KCND2: variants seen among roughly 807,000 people sequenced by gnomAD.
KCND2 encodes the protein potassium voltage-gated channel subfamily D member 2, also known as A-type voltage-gated potassium channel KCND2.
A neutral mutation model predicts 54.4 loss-of-function variants in KCND2; 16 were observed. The observed-to-expected ratio is 0.29, with a 90% confidence interval of 0.20 to 0.45. The LOEUF (loss-of-function observed/expected upper bound fraction) is 0.45, where lower values mean the gene tolerates loss of function less well. KCND2 is among the 20% of genes least tolerant of loss of function. KCND2 has a pLI of 1.00. For missense variants in KCND2, 486 were observed against 824.2 expected (o/e 0.59, Z 5.02); for synonymous variants, 317 against 310.7 (o/e 1.02, Z -0.21).
At chr7:120,675,727 A>G (rs1792052073) in intron 1 of KCND2, among the ~76,000 whole-genome samples, 2 of 152,186 alleles carry the variant, frequency 1.3e-5, no homozygotes, top group Admixed American at 1.3e-4. Context: ...TCAGGTTATT[A>G]TGCTTGCATA....
intron 1 of KCND2, among the ~76,000 whole-genome samples, chr7:120,625,766 T>C (rs990255788): frequency 2.0e-5 from 3 of 152,068 alleles, no homozygotes; most frequent in African/African-American, 7.2e-5. Flanking sequence ...TGAAGAAATC[T>C]TGGATATGTC....
chr7:120,621,362 AC>A (rs1191602559), intron 1 of KCND2, among the ~76,000 whole-genome samples: 2 of 148,066 alleles, frequency 1.4e-5, no homozygotes, highest in African/African-American at 2.5e-5. Flanking sequence ...CTCCCAGTCC[AC>A]TTCATAGCCT....
At chr7:120,629,415 G>A (rs1793202290) in intron 1 of KCND2, among the ~76,000 whole-genome samples, 1 of 152,162 alleles carries the variant, frequency 6.6e-6, no homozygotes, top group Non-Finnish European at 1.5e-5. Context: ...GAACCCGGGA[G>A]GCGGAGTTTG....
intron 1 of KCND2, among the ~76,000 whole-genome samples, chr7:120,642,396 T>TAA (rs35453111): frequency 4.4e-4 from 44 of 99,700 alleles, no homozygotes; most frequent in African/African-American, 7.1e-4. Flanking sequence ...CCTTCTCTAC[T>TAA]AAAAAAAAAA....
Position 120,582,260 on chromosome 7 carries a change from T to A in KCND2, c.1116-150643T>A, listed in dbSNP as rs192621572. 4.9e-4 allele frequency among the ~76,000 whole-genome samples: 74 copies of A among 152,246 alleles called. No individual in the cohort carries two copies. The East Asian group carries it at 0.011, about 23-fold the overall frequency. On this transcript the variant is annotated intron_variant, in intron 1 of 5. Coordinates refer to ENST00000331113, the MANE Select transcript of KCND2 (RefSeq NM_012281.3). ...AAGACCTCTCCATTGTGATTTTTTT[T>A]AAAAATCAAGTAACCCTTCTCCTAC... is the stretch of plus-strand genomic sequence containing the variant.
chr7:120,375,390 G>T (rs575355991), intron 1 of KCND2, among the ~76,000 whole-genome samples: 15 of 151,856 alleles, frequency 9.9e-5, no homozygotes, highest in Admixed American at 7.9e-4. Context: ...AGTCTCCTCT[G>T]TGTAAATACC....
chr7:120,742,433 CTG>C, intron 3 of KCND2, 75 bp from the exon 4 acceptor site: 3 of 1,142,154 alleles, frequency 2.6e-6, no homozygotes, highest in Non-Finnish European at 4.0e-6. Context: ...GCAGATCTCT[CTG>C]TGGAAATATG....
chr7:120,349,259 A>G (rs368992109), intron 1 of KCND2, among the ~76,000 whole-genome samples: 6 of 152,038 alleles, frequency 3.9e-5, no homozygotes, highest in African/African-American at 1.4e-4. Flanking sequence ...TGAGACGGAC[A>G]TGAGACCACC....
At chr7:120,443,962 T>C (rs1390254604) in intron 1 of KCND2, among the ~76,000 whole-genome samples, 2 of 152,242 alleles carry the variant, frequency 1.3e-5, no homozygotes, top group Non-Finnish European at 1.5e-5. Context: ...CTTCAAGATC[T>C]GCTCTTGAAC....
chr7:120,668,119 A>G (rs1162037859), intron 1 of KCND2, among the ~76,000 whole-genome samples: 1 of 152,052 alleles, frequency 6.6e-6, no homozygotes, highest in Non-Finnish European at 1.5e-5. Flanking sequence ...TTACTAGAGA[A>G]AAAAAATTAA....
intron 1 of KCND2, among the ~76,000 whole-genome samples, chr7:120,484,140 GGCAGTGCCGCCTTGGAGATAGGAAAT>G (rs1802655059): frequency 6.6e-6 from 1 of 152,150 alleles, no homozygotes; most frequent in South Asian, 2.1e-4. Context: ...AGTGTGAGAA[GGCAGTGCCGCCTTGGAGATAGGAAAT>G]GCGGGCAGGA....
At chr7:120,316,658 G>A (rs574308311) in intron 1 of KCND2, among the ~76,000 whole-genome samples, 13 of 152,074 alleles carry the variant, frequency 8.5e-5, no homozygotes, top group African/African-American at 2.2e-4. Flanking sequence ...TTGACATATT[G>A]GCCACTTATT....
At chr7:120,617,433 A>G (rs922314502) in intron 1 of KCND2, among the ~76,000 whole-genome samples, 3 of 152,188 alleles carry the variant, frequency 2.0e-5, no homozygotes, top group African/African-American at 7.2e-5. Context: ...AATCAAAACC[A>G]CAGTGAGATT....
intron 1 of KCND2, among the ~76,000 whole-genome samples, chr7:120,548,944 CTG>C (rs1792074988): frequency 6.6e-6 from 1 of 152,114 alleles, no homozygotes; most frequent in African/African-American, 2.4e-5. Flanking sequence ...CTCATTGACT[CTG>C]TGGCACCATT....
At chr7:120,433,305 A>G (rs1479926982) in intron 1 of KCND2, among the ~76,000 whole-genome samples, 1 of 152,196 alleles carries the variant, frequency 6.6e-6, no homozygotes, top group Non-Finnish European at 1.5e-5. Flanking sequence ...GTGCTGCTCT[A>G]CTGTTTGCTG....
At chr7:120,493,630 T>A (rs1802813298) in intron 1 of KCND2, among the ~76,000 whole-genome samples, 1 of 152,042 alleles carries the variant, frequency 6.6e-6, no homozygotes, top group Admixed American at 6.6e-5. Flanking sequence ...CTCAACATTA[T>A]CAGTAATAAA....
At chr7:120,516,841 A>G (rs1269208195) in intron 1 of KCND2, among the ~76,000 whole-genome samples, 1 of 152,178 alleles carries the variant, frequency 6.6e-6, no homozygotes. Context: ...ACATGTTTTA[A>G]TGCATAGAAA....
intron 1 of KCND2, among the ~76,000 whole-genome samples, chr7:120,496,202 G>T (rs1802844677): frequency 6.6e-6 from 1 of 152,198 alleles, no homozygotes; most frequent in South Asian, 2.1e-4. Flanking sequence ...CCCTGAAGAA[G>T]TTGCCCTGAT....
chr7:120,461,304 G>A (rs546923219), intron 1 of KCND2, among the ~76,000 whole-genome samples: 1 of 152,146 alleles, frequency 6.6e-6, no homozygotes, highest in East Asian at 1.9e-4. Flanking sequence ...ATATCCACAA[G>A]AGCAGACACT....
Sources: gnomAD v4.1 joint callset for allele counts (sites outside exome capture counted in the v4.1 genomes callset) on GRCh38, gnomAD v4.1.1 for gene constraint, MANE v1.5 for transcripts, NCBI Gene and HGNC (gene_info 2026-07-23, HGNC 2026-07-21) for gene names.